CTNNA2: variants seen among roughly 807,000 people sequenced by gnomAD.
The protein encoded by CTNNA2 is catenin alpha-2.
CTNNA2 carries 42 observed loss-of-function variants against 101.0 expected under a neutral mutation model. The observed-to-expected ratio is 0.42, with a 90% CI of 0.32 to 0.54. The LOEUF is 0.54. Ranked by LOEUF, CTNNA2 falls within the 20% of genes least tolerant of loss-of-function variation. The pLI is 0.14. For synonymous variants in CTNNA2, 450 were observed against 456.4 expected (o/e 0.99, Z 0.18); for missense variants, 871 against 1,223.1 (o/e 0.71, Z 4.29).
intron 7 of CTNNA2, among the ~76,000 whole-genome samples, chr2:80,142,089 G>T (rs1421261080): frequency 1.3e-5 from 2 of 152,090 alleles, no homozygotes; most frequent in Admixed American, 6.6e-5. Flanking sequence ...TTTAGAGAAA[G>T]CTTCGCCTCC....
chr2:80,509,647 G>C (rs996836083), intron 9 of CTNNA2, among the ~76,000 whole-genome samples: 2 of 152,176 alleles, frequency 1.3e-5, no homozygotes, highest in African/African-American at 4.8e-5. Flanking sequence ...ACCAATGAGA[G>C]AAGGAGGAAC....
intron 17 of CTNNA2, among the ~76,000 whole-genome samples, chr2:80,618,533 T>A (rs1699037974): frequency 6.6e-6 from 1 of 151,996 alleles, no homozygotes; most frequent in South Asian, 2.1e-4. Context: ...AGAGTTGCAA[T>A]TGTAGCAACA....
chr2:80,158,828 G>A (rs1232467257), intron 7 of CTNNA2, among the ~76,000 whole-genome samples: 6 of 151,800 alleles, frequency 4.0e-5, no homozygotes, highest in Admixed American at 6.6e-5. Context: ...GGAGAATGGC[G>A]TGAACCTGGA....
At chr2:79,239,182 G>C (rs1261196571) in intron 2 of CTNNA2, among the ~76,000 whole-genome samples, 1 of 152,184 alleles carries the variant, frequency 6.6e-6, no homozygotes, top group East Asian at 1.9e-4. Flanking sequence ...AAACAAGAAA[G>C]CTGGAGGCAT....
chr2:80,113,388 C>G (rs927655572), intron 7 of CTNNA2, among the ~76,000 whole-genome samples: 3 of 152,132 alleles, frequency 2.0e-5, no homozygotes, highest in Non-Finnish European at 4.4e-5. Context: ...TATTTTTATT[C>G]AGTAAACAGT....
At chr2:80,205,598 TGAC>T in intron 7 of CTNNA2, among the ~76,000 whole-genome samples, 1 of 152,212 alleles carries the variant, frequency 6.6e-6, no homozygotes, top group South Asian at 2.1e-4. Flanking sequence ...AATCAGCAAA[TGAC>T]CACACACATT....
chr2:79,922,041 TG>T (rs1209550509), intron 7 of CTNNA2, among the ~76,000 whole-genome samples: 1 of 152,194 alleles, frequency 6.6e-6, no homozygotes, highest in Non-Finnish European at 1.5e-5. Context: ...GCACCAGCCT[TG>T]GACTATGCCA....
chr2:79,882,896 C>T (rs954853121), intron 6 of CTNNA2, among the ~76,000 whole-genome samples: 4 of 151,124 alleles, frequency 2.6e-5, no homozygotes, highest in Admixed American at 6.6e-5. Context: ...GCAGTTTTGC[C>T]GGCTGTGTTG....
chr2:79,297,822 A>G (rs889442118), intron 2 of CTNNA2, among the ~76,000 whole-genome samples: 1 of 152,032 alleles, frequency 6.6e-6, no homozygotes, highest in Non-Finnish European at 1.5e-5. Context: ...TTTACTCTTT[A>G]CTTTTTCTCC....
At chr2:79,703,324 G>GT (rs572604999) in intron 2 of CTNNA2, among the ~76,000 whole-genome samples, 2 of 151,868 alleles carry the variant, frequency 1.3e-5, no homozygotes, top group Non-Finnish European at 2.9e-5. Context: ...GTTCTTAGTT[G>GT]TTTTTTTTCC....
intron 2 of CTNNA2, among the ~76,000 whole-genome samples, chr2:79,293,991 T>C (rs1466108360): frequency 1.3e-5 from 2 of 151,980 alleles, no homozygotes; most frequent in East Asian, 3.9e-4. Context: ...TGAAATAAAG[T>C]ATGGAAAGTA....
chr2:79,722,542 A>T (rs779481196), intron 2 of CTNNA2, among the ~76,000 whole-genome samples: 4 of 152,180 alleles, frequency 2.6e-5, no homozygotes, highest in Non-Finnish European at 4.4e-5. Context: ...AGATTATCTA[A>T]CCCAACTCCT....
At chr2:80,132,353 C>T (rs1702461756) in intron 7 of CTNNA2, among the ~76,000 whole-genome samples, 1 of 152,088 alleles carries the variant, frequency 6.6e-6, no homozygotes, top group Non-Finnish European at 1.5e-5. Flanking sequence ...TGGTCTCCAT[C>T]TGTTTCAAAG....
chr2:79,223,226 C>T (rs1263498034), intron 2 of CTNNA2, among the ~76,000 whole-genome samples: 1 of 152,122 alleles, frequency 6.6e-6, no homozygotes, highest in South Asian at 2.1e-4. Context: ...TAAGTCACAA[C>T]AAGCAGTTAG....
chr2:80,294,573 A>G (rs1056569453), intron 7 of CTNNA2, among the ~76,000 whole-genome samples: 3 of 152,122 alleles, frequency 2.0e-5, no homozygotes, highest in Non-Finnish European at 4.4e-5. Context: ...TGCTGTGAGT[A>G]GGCAACCCGC....
intron 4 of CTNNA2, among the ~76,000 whole-genome samples, chr2:79,468,926 A>G (rs1360453451): frequency 2.0e-5 from 3 of 152,220 alleles, no homozygotes; most frequent in Admixed American, 6.5e-5. Flanking sequence ...AAGAGAAAGC[A>G]GGAAAGATCT....
intron 4 of CTNNA2, among the ~76,000 whole-genome samples, chr2:79,435,079 A>G (rs1678699048): frequency 6.6e-6 from 1 of 152,074 alleles, no homozygotes; most frequent in Non-Finnish European, 1.5e-5. Context: ...CAGATCACTG[A>G]GACAGGACAT....
intron 7 of CTNNA2, among the ~76,000 whole-genome samples, chr2:80,210,430 T>C (rs930105914): frequency 1.3e-5 from 2 of 152,164 alleles, no homozygotes; most frequent in African/African-American, 4.8e-5. Flanking sequence ...GTTCTCATTG[T>C]TCAGTTCCCA....
intron 1 of CTNNA2, among the ~76,000 whole-genome samples, chr2:79,534,531 GTT>G (rs35927990): frequency 8.6e-5 from 13 of 151,076 alleles, no homozygotes; most frequent in African/African-American, 3.2e-4. Flanking sequence ...CTTGTGAACA[GTT>G]TTTTTTTCCC....
Sources: allele counts gnomAD v4.1 joint callset (sites outside exome capture counted in the v4.1 genomes callset), GRCh38; gene constraint gnomAD v4.1.1; transcripts MANE v1.5; gene names NCBI Gene and HGNC (gene_info 2026-07-23, HGNC 2026-07-21).